Variants in PHACTR1 observed in about 807,000 individuals in gnomAD.
PHACTR1 encodes the protein RPEL repeat containing 1.
PHACTR1 carries 16 observed loss-of-function variants against 69.2 expected under a neutral mutation model. The ratio of observed to expected loss-of-function variants is 0.23; its 90% confidence interval spans 0.16 to 0.35. The LOEUF (loss-of-function observed/expected upper bound fraction) is 0.35. Among genes scored for constraint, PHACTR1 ranks in the 10% least tolerant of loss-of-function variants. PHACTR1 has a pLI of 1.00. For missense variants in PHACTR1, 510 were observed against 734.7 expected, an observed-to-expected ratio of 0.69 and a Z score of 3.54; for synonymous variants, 312 against 284.5, an observed-to-expected ratio of 1.10 and a Z score of -0.97.
chr6:13,107,314 G>T (rs1816331738), intron 5 of PHACTR1, among the ~76,000 whole-genome samples: 1 of 152,196 alleles, frequency 6.6e-6, no homozygotes, highest in Non-Finnish European at 1.5e-5. Context: ...GTCTCGCTAT[G>T]TTGCCAGGGC....
intron 5 of PHACTR1, among the ~76,000 whole-genome samples, chr6:13,089,938 G>A (rs6918053): frequency 0.81 from 122,555 of 152,180 alleles, 49,480 homozygotes; most frequent in East Asian, 0.93. Context: ...AATGAATAGG[G>A]AATGTCATTT....
chr6:13,057,766 T>G (rs1807026332), intron 5 of PHACTR1, among the ~76,000 whole-genome samples: 1 of 152,212 alleles, frequency 6.6e-6, no homozygotes, highest in Non-Finnish European at 1.5e-5. Flanking sequence ...AATTTTGACA[T>G]CAACGATTAC....
intron 4 of PHACTR1, among the ~76,000 whole-genome samples, chr6:12,888,734 C>T (rs1454646156): frequency 6.6e-6 from 1 of 152,098 alleles, no homozygotes; most frequent in Non-Finnish European, 1.5e-5. Context: ...CAAACAACTC[C>T]AAAATCTCAG....
intron 4 of PHACTR1, among the ~76,000 whole-genome samples, chr6:13,016,741 A>G (rs1322509370): frequency 6.6e-6 from 1 of 152,130 alleles, no homozygotes; most frequent in Non-Finnish European, 1.5e-5. Flanking sequence ...ATTCACCATT[A>G]ATGGCCAAAG....
chr6:12,938,551 C>T (rs1258142632), intron 4 of PHACTR1, among the ~76,000 whole-genome samples: 1 of 152,140 alleles, frequency 6.6e-6, no homozygotes, highest in Non-Finnish European at 1.5e-5. Flanking sequence ...TTTGGAACAG[C>T]TAAAATAAGG....
intron 7 of PHACTR1, among the ~76,000 whole-genome samples, chr6:13,185,357 C>A (rs1762704079): frequency 1.3e-5 from 2 of 151,956 alleles, no homozygotes; most frequent in Non-Finnish European, 2.9e-5. Flanking sequence ...AGTGCCTTCT[C>A]CATATGAGTA....
chr6:13,285,296 C>G (rs998049180), intron 13 of PHACTR1, among the ~76,000 whole-genome samples: 1 of 152,196 alleles, frequency 6.6e-6, no homozygotes, highest in Non-Finnish European at 1.5e-5. Flanking sequence ...CCTAAGCCAG[C>G]CTTCTTTTCC....
rs1055362559 is a variant in PHACTR1, at chr6:12,942,423, C to T, written c.251-110942C>T. Among the ~76,000 whole-genome samples the T allele has an allele frequency of 3.4e-4, 52 of 152,152 alleles. 3 individuals carry two copies. The highest frequency in any genetic ancestry group is 2.4e-5 in the African/African-American group (1 of 41,416). ...CCTGCCCTGTTTAAAGTAACCACAA[C>T]TTCATGTTGTAGTTAGAGCTAGTTC... On this transcript the variant is annotated intron_variant, in intron 4 of 14. Coordinates refer to ENST00000332995, the MANE Select transcript of PHACTR1 (RefSeq NM_030948.6).
At chr6:13,249,142 C>G (rs142298470) in intron 10 of PHACTR1, among the ~76,000 whole-genome samples, 12 of 151,738 alleles carry the variant, frequency 7.9e-5, no homozygotes, top group African/African-American at 2.7e-4. Context: ...AGGCTGTGGA[C>G]TGGTATCAGT....
At chr6:12,749,820 C>T (rs776042718) in intron 4 of PHACTR1, 30 bp downstream of exon 4, 2 of 1,536,832 alleles carry the variant, frequency 1.3e-6, no homozygotes, top group Non-Finnish European at 1.7e-6. Context: ...CGCGCCCCCG[C>T]CCCCGCCCTG....
chr6:12,743,559 C>T (rs933426788), intron 3 of PHACTR1, among the ~76,000 whole-genome samples: 1 of 152,040 alleles, frequency 6.6e-6, no homozygotes, highest in Non-Finnish European at 1.5e-5. Flanking sequence ...GGCTGCTGGG[C>T]CTGTCAGAAA....
intron 3 of PHACTR1, among the ~76,000 whole-genome samples, chr6:12,731,249 C>T (rs1260149850): frequency 1.3e-5 from 2 of 152,006 alleles, no homozygotes; most frequent in Non-Finnish European, 2.9e-5. Context: ...CTCCTGACCT[C>T]GTGATCCACC....
chr6:12,808,965 C>T (rs1353706509), intron 4 of PHACTR1, among the ~76,000 whole-genome samples: 1 of 151,992 alleles, frequency 6.6e-6, no homozygotes, highest in African/African-American at 2.4e-5. Flanking sequence ...GCAACCTTCA[C>T]TTCCCGGGCT....
intron 4 of PHACTR1, among the ~76,000 whole-genome samples, chr6:13,038,198 T>G (rs1803616306): frequency 6.6e-6 from 1 of 152,134 alleles, no homozygotes; most frequent in Non-Finnish European, 1.5e-5. Context: ...ATTTCAGATG[T>G]GGTAACTTAA....
Position 13,012,192 on chromosome 6 carries a change from A to G in PHACTR1, c.251-41173A>G, listed in dbSNP as rs1343355742. On this transcript the variant is annotated intron_variant, in intron 4 of 14. Transcript: ENST00000332995. The stretch of plus-strand genomic sequence containing the variant: ...GCTCTTATTGTGCTGATTTGTGCAG[A>G]CTACTTGCAGATGAGAAGTAGTAGA... 2.0e-5 allele frequency among the ~76,000 whole-genome samples: 3 copies of G among 152,368 alleles called. No homozygotes were observed. The East Asian group carries it at 5.8e-4, about 29-fold the overall frequency.
At chr6:12,819,912 G>C (rs531670610) in intron 4 of PHACTR1, among the ~76,000 whole-genome samples, 30 of 152,214 alleles carry the variant, frequency 2.0e-4, no homozygotes, top group Middle Eastern at 3.4e-3. Context: ...AGAACTTACA[G>C]TTATTTAGAG....
Position 12,861,019 on chromosome 6 carries a change from A to C in PHACTR1, c.250+111229A>C, listed in dbSNP as rs529951502. Among the ~76,000 whole-genome samples the C allele has an allele frequency of 5.3e-5, 8 of 152,344 alleles. No homozygotes were observed. The East Asian group carries it at 1.5e-3, about 29-fold the overall frequency. On this transcript the variant is annotated intron_variant, in intron 4 of 14. Transcript: ENST00000332995. ...GGACATGTGGTCCATAGACAGTGCC[A>C]TCATAGTGGCCATGCCTTTCTTCCC... is the stretch of plus-strand genomic sequence containing the variant.
chr6:13,060,620 G>A (rs1561769325), intron 5 of PHACTR1, among the ~76,000 whole-genome samples: 1 of 152,192 alleles, frequency 6.6e-6, no homozygotes, highest in East Asian at 1.9e-4. Context: ...TCAGAGGGAA[G>A]CTGCAGCAGT....
At chr6:12,738,757 A>C (rs1764649783) in intron 3 of PHACTR1, among the ~76,000 whole-genome samples, 1 of 152,082 alleles carries the variant, frequency 6.6e-6, no homozygotes, top group African/African-American at 2.4e-5. Context: ...CGGCTACTCA[A>C]GTGGGCTGAG....
Sources: allele counts gnomAD v4.1 joint callset (sites outside exome capture counted in the v4.1 genomes callset), GRCh38; gene constraint gnomAD v4.1.1; transcripts MANE v1.5; gene names NCBI Gene and HGNC (gene_info 2026-07-23, HGNC 2026-07-21).